MERTK: variants seen among roughly 807,000 people sequenced by gnomAD.
The protein encoded by MERTK is MER proto-oncogene, tyrosine kinase.
In MERTK, 69 loss-of-function variants were observed where a neutral mutation model predicts 99.3. That is an observed-to-expected ratio of 0.70 (90% confidence interval 0.57 to 0.85). The LOEUF is 0.85. Among genes scored for constraint, MERTK ranks in the 40% least tolerant of loss-of-function variants. MERTK has a pLI of 0.00. For synonymous variants in MERTK, 426 were observed against 467.6 expected, an observed-to-expected ratio of 0.91 and a Z score of 1.15; for missense variants, 1,125 against 1,249.4, an observed-to-expected ratio of 0.90 and a Z score of 1.50.
intron 7 of MERTK, among the ~76,000 whole-genome samples, chr2:111,978,917 G>A (rs1233785422): frequency 1.3e-5 from 2 of 152,178 alleles, no homozygotes; most frequent in Non-Finnish European, 2.9e-5. Flanking sequence ...TAAGGGCTCA[G>A]TCTCAGGTCG....
At chr2:111,995,688 G>A (rs756708153) in intron 9 of MERTK, among the ~76,000 whole-genome samples, 20 of 152,174 alleles carry the variant, frequency 1.3e-4, no homozygotes, top group African/African-American at 4.1e-4. Flanking sequence ...AGTGACTCAC[G>A]CCTGTAATTC....
chr2:111,998,992 A>G (rs1432917850), intron 10 of MERTK, among the ~76,000 whole-genome samples: 3 of 152,324 alleles, frequency 2.0e-5, no homozygotes, highest in Admixed American at 2.0e-4. Flanking sequence ...TTTTACTTAT[A>G]AAAGTAACAT....
chr2:111,914,242 T>A (rs528323646), intron 1 of MERTK, among the ~76,000 whole-genome samples: 2 of 151,494 alleles, frequency 1.3e-5, no homozygotes, highest in African/African-American at 2.4e-5. Flanking sequence ...TAGCCAGGAC[T>A]ACAGGTGTGC....
chr2:111,973,633 TTTTC>T, intron 6 of MERTK, among the ~76,000 whole-genome samples: 2 of 152,180 alleles, frequency 1.3e-5, no homozygotes, highest in Admixed American at 1.3e-4. Context: ...GCCTGAGGAT[TTTTC>T]CCAAATTGCT....
chr2:111,995,953 C>T (rs1354841296), intron 9 of MERTK, among the ~76,000 whole-genome samples: 1 of 151,892 alleles, frequency 6.6e-6, no homozygotes, highest in Non-Finnish European at 1.5e-5. Flanking sequence ...ATCTCCAAAA[C>T]AAAACAAAAC....
At chr2:111,974,965 A>G (rs1453230374) in intron 6 of MERTK, among the ~76,000 whole-genome samples, 1 of 152,132 alleles carries the variant, frequency 6.6e-6, no homozygotes, top group Non-Finnish European at 1.5e-5. Flanking sequence ...GAGGTCAAGA[A>G]TCGAAGAGGT....
intron 1 of MERTK, among the ~76,000 whole-genome samples, chr2:111,919,196 C>T (rs1379657322): frequency 2.0e-5 from 3 of 152,156 alleles, no homozygotes; most frequent in South Asian, 4.1e-4. Flanking sequence ...AACCTGGGCC[C>T]TCTGCATGAG....
In MERTK at chr2:111,910,610, G is replaced by GTGTGTGTGTGTGTATATATA. The variant is rs370882764; in HGVS notation, c.61+11815_61+11816insGTGTGTGTGTGTATATATAT. 1.7e-4 allele frequency among the ~76,000 whole-genome samples: 25 copies of GTGTGTGTGTGTGTATATATA among 143,662 alleles called. 1 individual carries two copies. The highest frequency in any genetic ancestry group is 6.0e-4 in the African/African-American group (23 of 38,594). 94.2% of individuals were successfully genotyped at this position (143,662 alleles called of 152,430 possible). Reference sequence around the variant, plus strand: ...AAAAAAAGTGTGTGTGTGTGTGTGTGTATATATATATATATATACAAATGG... The same window carrying GTGTGTGTGTGTGTATATATA: ...AAAAAAAGTGTGTGTGTGTGTGTGTGTGTGTGTGTGTGTATATATATATATATATATATATATACAAATGG... On this transcript the variant is annotated intron_variant, in intron 1 of 18. Coordinates refer to ENST00000295408, the MANE Select transcript of MERTK (RefSeq NM_006343.3).
Position 112,019,344 on chromosome 2 carries a change from C to CG in MERTK, c.2080-67dup, listed in dbSNP as rs397795726. The CG allele has an allele frequency of 4.7e-4, 535 of 1,135,248 alleles. 2 individuals are homozygous for CG. The highest frequency in any genetic ancestry group is 8.1e-6 in the Non-Finnish European group (6 of 743,596). 70.3% of individuals were successfully genotyped at this position (1,135,248 alleles called of 1,614,324 possible). A position where few individuals can be genotyped will look rare whatever the true frequency, so the allele number is the denominator to read the frequency against. On this transcript the variant is annotated intron_variant, in intron 15 of 18. Transcript: ENST00000295408. ...TAAATTAAAGCATCCTTTCCCCCCCCGGCAGAAACTGCTTGCAAGTTTTCC... is the reference window on the plus strand; with the variant it reads ...TAAATTAAAGCATCCTTTCCCCCCCCGGGCAGAAACTGCTTGCAAGTTTTCC...
chr2:111,987,015 C>T (rs1676490800), intron 8 of MERTK, among the ~76,000 whole-genome samples: 1 of 152,216 alleles, frequency 6.6e-6, no homozygotes, highest in Non-Finnish European at 1.5e-5. Flanking sequence ...TGATTTCCTT[C>T]AATTTCCTTC....
chr2:111,938,654 G>A (rs1018811873), intron 2 of MERTK, among the ~76,000 whole-genome samples: 1 of 152,148 alleles, frequency 6.6e-6, no homozygotes, highest in Non-Finnish European at 1.5e-5. Flanking sequence ...AGACACCATG[G>A]CTGAGTATGT....
intron 7 of MERTK, among the ~76,000 whole-genome samples, chr2:111,980,698 G>A (rs1452453291): frequency 6.6e-6 from 1 of 152,142 alleles, no homozygotes; most frequent in Non-Finnish European, 1.5e-5. Context: ...GATTACAGGC[G>A]TGACCCACTG....
In MERTK at chr2:111,965,219, T is replaced by C. The variant is rs781387674; in HGVS notation, c.786T>C (p.Cys262=). Residue 262 remains cysteine (C), a synonymous_variant, in exon 5 of 19, where the codon TGT becomes TGC. Coordinates refer to ENST00000295408, the MANE Select transcript of MERTK (RefSeq NM_006343.3). ...PGLTEMAVFS[C]EAHNDKGLTV... Reference sequence around the variant, plus strand: ...TGACGGAGATGGCGGTCTTCAGTTGTGAGGCCCACAATGACAAAGGGCTGA... The same window carrying C: ...TGACGGAGATGGCGGTCTTCAGTTGCGAGGCCCACAATGACAAAGGGCTGA... The C allele has an allele frequency of 1.2e-6, 2 of 1,614,208 alleles. No individual in the cohort carries two copies. The highest frequency in any genetic ancestry group is 3.3e-5 in the Admixed American group (2 of 60,028).
chr2:111,968,154 A>G lies in MERTK; in HGVS notation c.862A>G (p.Thr288Ala). 5.0e-6 allele frequency: 8 copies of G among 1,613,704 alleles called. No homozygotes were observed. Among genetic ancestry groups the G allele is most frequent in the Non-Finnish European group, 6.8e-6 (8 of 1,179,816 alleles). The change falls in exon 6 of 19, where the codon ACT becomes GCT. Residue 288 changes from threonine to alanine, a missense_variant. Transcript: ENST00000295408. ...INIKAIPSPPTEVSIRNSTAH... is the reference protein window; with the variant it reads ...INIKAIPSPPAEVSIRNSTAH... ...TTATGCAGCAATTCCCTCCCCACCA[A>G]CTGAAGTCAGCATCCGTAACAGCAC...
intron 4 of MERTK, among the ~76,000 whole-genome samples, chr2:111,948,491 C>T (rs1363223667): frequency 6.6e-6 from 1 of 152,198 alleles, no homozygotes; most frequent in Non-Finnish European, 1.5e-5. Flanking sequence ...GCTCATGTAT[C>T]CAACCGCCTC....
chr2:111,947,224 C>T (rs541500309), intron 3 of MERTK, among the ~76,000 whole-genome samples, 170 bp from the exon 4 acceptor site: 19 of 152,220 alleles, frequency 1.2e-4, no homozygotes, highest in African/African-American at 3.4e-4. Flanking sequence ...AGTGAGCCGA[C>T]ATCAGGCCAC....
In MERTK at chr2:112,022,356, C is replaced by T. The variant is rs1449783869; in HGVS notation, c.2448C>T (p.Gly816=). 1 of 1,614,106 alleles carries T rather than the reference C, an allele frequency of 6.2e-7. No individual in the cohort carries two copies. The highest frequency in any genetic ancestry group is 8.5e-7 in the Non-Finnish European group (1 of 1,180,036). Residue 816 remains glycine, a synonymous_variant, in exon 18 of 19, where the codon GGC becomes GGT. Transcript: ENST00000295408. ...AGATGTATGACTATCTTCTCCATGG[C>T]CACAGGTTGAAGCAGCCCGAAGACT... The part of the protein sequence containing the change: ...NHEMYDYLLH[G]HRLKQPEDCL...
chr2:111,984,878 G>A (rs986541075), intron 8 of MERTK, among the ~76,000 whole-genome samples: 2 of 152,186 alleles, frequency 1.3e-5, no homozygotes, highest in Non-Finnish European at 2.9e-5. Context: ...CTTGCTTCCT[G>A]AAAATGTATA....
chr2:111,983,031 C>T (rs1676404661), intron 8 of MERTK, 38 bp downstream of exon 8: 1 of 1,612,292 alleles, frequency 6.2e-7, no homozygotes, highest in African/African-American at 1.3e-5. Context: ...TTAGTCATCT[C>T]CTTTCAACTT....
Sources: gnomAD v4.1 joint callset for allele counts (sites outside exome capture counted in the v4.1 genomes callset) on GRCh38, gnomAD v4.1.1 for gene constraint, MANE v1.5 for transcripts, NCBI Gene and HGNC (gene_info 2026-07-23, HGNC 2026-07-21) for gene names.